The following SGCD variants were observed in gnomAD, a reference collection of about 807,000 sequenced individuals.
SGCD encodes delta-sarcoglycan.
SGCD carries 18 observed loss-of-function variants against 36.6 expected under a neutral mutation model. That is an observed-to-expected ratio of 0.49 (90% confidence interval 0.34 to 0.73). The LOEUF (loss-of-function observed/expected upper bound fraction) is 0.73. SGCD is among the 30% of genes least tolerant of loss of function. The pLI is 0.01. For missense variants in SGCD, 387 were observed against 346.7 expected, an observed-to-expected ratio of 1.12 and a Z score of -0.92; for synonymous variants, 133 against 130.6, an observed-to-expected ratio of 1.02 and a Z score of -0.12.
intron 1 of SGCD, among the ~76,000 whole-genome samples, chr5:156,025,352 G>A (rs1348248032): frequency 1.3e-5 from 2 of 152,184 alleles, no homozygotes; most frequent in Admixed American, 6.5e-5. Context: ...CTAATGACAA[G>A]GGCTGAGAAT....
intron 1 of SGCD, among the ~76,000 whole-genome samples, chr5:156,021,363 G>A (rs1332474372): frequency 1.3e-5 from 2 of 152,108 alleles, no homozygotes. Flanking sequence ...AGCCAAGCAT[G>A]GTGACTATTA....
At chr5:155,876,946 GATAA>G (rs1392069176) in intron 1 of SGCD, among the ~76,000 whole-genome samples, 1 of 152,062 alleles carries the variant, frequency 6.6e-6, no homozygotes, top group Non-Finnish European at 1.5e-5. Flanking sequence ...GAAACCAACT[GATAA>G]ATACTCATTT....
At chr5:156,047,660 CT>C (rs1759804868) in intron 1 of SGCD, among the ~76,000 whole-genome samples, 2 of 152,164 alleles carry the variant, frequency 1.3e-5, no homozygotes, top group East Asian at 3.9e-4. Flanking sequence ...GGAAAAAGTT[CT>C]TTTCAAAATA....
chr5:156,721,778 G>C (rs1755523631), intron 7 of SGCD, among the ~76,000 whole-genome samples: 1 of 152,306 alleles, frequency 6.6e-6, no homozygotes, highest in South Asian at 2.1e-4. Context: ...AGAGCAACAG[G>C]GTGGGAGACA....
chr5:156,758,472 C>G (rs1411535791), intron 8 of SGCD, among the ~76,000 whole-genome samples: 2 of 151,878 alleles, frequency 1.3e-5, no homozygotes, highest in African/African-American at 4.8e-5. Flanking sequence ...TCTATACATC[C>G]ACTCGATGGA....
At chr5:156,050,036 A>G (rs1053216612) in intron 1 of SGCD, among the ~76,000 whole-genome samples, 3 of 147,108 alleles carry the variant, frequency 2.0e-5, no homozygotes, top group Non-Finnish European at 3.1e-5. Flanking sequence ...TGAAATGGCA[A>G]CAAAGGATTT....
At chr5:155,881,581 G>A (rs1044872736) in intron 1 of SGCD, among the ~76,000 whole-genome samples, 15 of 152,166 alleles carry the variant, frequency 9.9e-5, no homozygotes, top group Admixed American at 8.5e-4. Context: ...AATGTGTTTG[G>A]TGAAGCTTGG....
chr5:156,088,584 C>T (rs12233931), intron 1 of SGCD, among the ~76,000 whole-genome samples: 32,867 of 151,988 alleles, frequency 0.22, 3,825 homozygotes, highest in Middle Eastern at 0.26. Context: ...ACTCCAGCTT[C>T]GACCACCTGG....
chr5:156,741,258 C>T (rs1050480898), intron 7 of SGCD, among the ~76,000 whole-genome samples: 2 of 152,188 alleles, frequency 1.3e-5, no homozygotes, highest in Non-Finnish European at 2.9e-5. Flanking sequence ...GATAAGTAAT[C>T]ACTGTTTCAA....
intron 7 of SGCD, among the ~76,000 whole-genome samples, chr5:156,696,561 G>T (rs1264603387): frequency 6.6e-6 from 1 of 152,130 alleles, no homozygotes; most frequent in Non-Finnish European, 1.5e-5. Flanking sequence ...CCAGGCTGGA[G>T]TGCAGTGGCA....
At chr5:156,676,682 C>G (rs1753527915) in intron 7 of SGCD, among the ~76,000 whole-genome samples, 1 of 152,142 alleles carries the variant, frequency 6.6e-6, no homozygotes. Flanking sequence ...ACAGCAGCCT[C>G]AGAATGTCAT....
chr5:156,095,352 A>T (rs1761350127), intron 1 of SGCD, among the ~76,000 whole-genome samples: 1 of 152,226 alleles, frequency 6.6e-6, no homozygotes, highest in Non-Finnish European at 1.5e-5. Flanking sequence ...ATCTATTTTG[A>T]TAGAGATAAC....
intron 3 of SGCD, among the ~76,000 whole-genome samples, chr5:156,138,056 G>A (rs79048803): frequency 3.9e-5 from 6 of 152,068 alleles, no homozygotes; most frequent in African/African-American, 7.2e-5. Flanking sequence ...TCATTCAGTC[G>A]TGATATTTTC....
chr5:156,109,462 T>C (rs1167247757), intron 1 of SGCD, among the ~76,000 whole-genome samples: 1 of 152,168 alleles, frequency 6.6e-6, no homozygotes, highest in Non-Finnish European at 1.5e-5. Flanking sequence ...CAGCTTTATA[T>C]GTTTAAACTC....
At chr5:156,069,094 G>T (rs1483406083) in intron 1 of SGCD, among the ~76,000 whole-genome samples, 2 of 152,076 alleles carry the variant, frequency 1.3e-5, no homozygotes, top group African/African-American at 2.4e-5. Flanking sequence ...TCTGATGGTA[G>T]TTTCTTTTGC....
chr5:156,118,568 T>A (rs1322371813), intron 2 of SGCD, among the ~76,000 whole-genome samples: 1 of 152,140 alleles, frequency 6.6e-6, no homozygotes, highest in Non-Finnish European at 1.5e-5. Flanking sequence ...CAACCCATGT[T>A]TAAAAGTTTA....
intron 1 of SGCD, among the ~76,000 whole-genome samples, chr5:156,039,343 AT>A (rs1385249941): frequency 6.6e-6 from 1 of 152,004 alleles, no homozygotes; most frequent in African/African-American, 2.4e-5. Flanking sequence ...GCTGTTTGCT[AT>A]TTTTATCTCT....
At chr5:156,457,248 C>T (rs1191395137) in intron 3 of SGCD, among the ~76,000 whole-genome samples, 2 of 152,138 alleles carry the variant, frequency 1.3e-5, no homozygotes, top group Non-Finnish European at 2.9e-5. Flanking sequence ...TAAAAACTTG[C>T]TTTCATTCTT....
In SGCD at chr5:156,100,095, A is replaced by G. The variant is rs374351265; in HGVS notation, c.-281-17783A>G. Among the ~76,000 whole-genome samples, 17 of 152,278 alleles carry G rather than the reference A, an allele frequency of 1.1e-4. No homozygotes were observed. In the East Asian group the frequency reaches 2.7e-3, roughly 24 times the overall value. Reference sequence around the variant, plus strand: ...AACAGTCTTCAAATGATATAGTGACATACTACTGCAAAGTAACGACAAAAA... The same window carrying G: ...AACAGTCTTCAAATGATATAGTGACGTACTACTGCAAAGTAACGACAAAAA... On this transcript the variant is annotated intron_variant, in intron 1 of 9. Transcript: ENST00000517913.
Sources: gnomAD v4.1 joint callset for allele counts (sites outside exome capture counted in the v4.1 genomes callset) on GRCh38, gnomAD v4.1.1 for gene constraint, MANE v1.5 for transcripts, NCBI Gene and HGNC (gene_info 2026-07-23, HGNC 2026-07-21) for gene names.